DNAI7: variants seen among roughly 807,000 people sequenced by gnomAD.
DNAI7 encodes the protein cancer susceptibility 1.
A neutral mutation model predicts 86.6 loss-of-function variants in DNAI7; 78 were observed. The ratio of observed to expected loss-of-function variants is 0.90; its 90% CI spans 0.75 to 1.09. DNAI7 has a LOEUF of 1.09. DNAI7 is among the 50% of genes least tolerant of loss of function. DNAI7 has a pLI of 0.00. For missense variants in DNAI7, 753 were observed against 810.2 expected, an observed-to-expected ratio of 0.93 and a Z score of 0.86; for synonymous variants, 274 against 273.0, an observed-to-expected ratio of 1.00 and a Z score of -0.04.
chr12:25,120,169 G>A (rs532065952), intron 11 of DNAI7, among the ~76,000 whole-genome samples: 10 of 152,096 alleles, frequency 6.6e-5, no homozygotes, highest in South Asian at 4.2e-4. Context: ...GGAAAATAAC[G>A]GGGGAGAAAA....
At chr12:25,174,789 G>T (rs562478982) in intron 2 of DNAI7, among the ~76,000 whole-genome samples, 8 of 148,378 alleles carry the variant, frequency 5.4e-5, no homozygotes, top group African/African-American at 1.5e-4. Flanking sequence ...CCATAAAAAG[G>T]AATGAATTAA....
Position 25,189,563 on chromosome 12 carries a change from AC to A in DNAI7, c.21+1050del, listed in dbSNP as rs746246122. Reference sequence around the variant, plus strand: ...AGGCTGAGGTGGGAGAATTGCTTGAACCCGGAAGGTGGAAGTTGCAGTAAGC... The same window carrying A: ...AGGCTGAGGTGGGAGAATTGCTTGAACCGGAAGGTGGAAGTTGCAGTAAGC... On this transcript the variant is annotated intron_variant, in intron 2 of 15. Coordinates refer to ENST00000395987, the MANE Select transcript of DNAI7 (RefSeq NM_018272.5). 6.2e-3 allele frequency among the ~76,000 whole-genome samples: 904 copies of A among 146,354 alleles called. 6 individuals carry two copies. The highest frequency in any genetic ancestry group is 8.3e-3 in the Non-Finnish European group (540 of 64,830).
intron 14 of DNAI7, among the ~76,000 whole-genome samples, chr12:25,111,328 C>T (rs1204596729): frequency 1.3e-5 from 2 of 152,196 alleles, no homozygotes; most frequent in African/African-American, 4.8e-5. Flanking sequence ...TTATGACGAA[C>T]ATGAAACAGT....
chr12:25,178,442 A>G (rs1207410556), intron 2 of DNAI7, among the ~76,000 whole-genome samples: 1 of 152,104 alleles, frequency 6.6e-6, no homozygotes, highest in Non-Finnish European at 1.5e-5. Flanking sequence ...TTCATTCTTA[A>G]TATTTATCAT....
In DNAI7 at chr12:25,147,039, A is replaced by T; in HGVS notation, c.651T>A (p.Val217=). 1 of 1,606,260 alleles carries T rather than the reference A, an allele frequency of 6.2e-7. No homozygotes were observed. The highest frequency in any genetic ancestry group is 8.5e-7 in the Non-Finnish European group (1 of 1,172,834). ...TGAGGTTTGCCCACACATACAGAGTAACATTTTCATCTTTAATGACTTTTT... is the reference window on the plus strand; with the variant it reads ...TGAGGTTTGCCCACACATACAGAGTTACATTTTCATCTTTAATGACTTTTT... ...NMEKVIKDEN[V]TLYVWANLKK... Residue 217 remains valine (V), a synonymous_variant, in exon 8 of 16, where the codon GTT becomes GTA. Coordinates refer to ENST00000395987, the MANE Select transcript of DNAI7 (RefSeq NM_018272.5).
chr12:25,151,484 T>C (rs538753354), intron 6 of DNAI7, among the ~76,000 whole-genome samples: 1 of 152,328 alleles, frequency 6.6e-6, no homozygotes, highest in South Asian at 2.1e-4. Flanking sequence ...ATTGAACTTA[T>C]CCTTTTCTCA....
At chr12:25,157,676 T>G (rs1946345402) in intron 4 of DNAI7, among the ~76,000 whole-genome samples, 1 of 152,252 alleles carries the variant, frequency 6.6e-6, no homozygotes, top group Admixed American at 6.5e-5. Flanking sequence ...TATTGATAGA[T>G]GTAATCCACA....
intron 2 of DNAI7, among the ~76,000 whole-genome samples, chr12:25,165,481 G>A (rs1463407346): frequency 1.3e-5 from 2 of 152,224 alleles, no homozygotes; most frequent in African/African-American, 4.8e-5. Context: ...TTCCTCCTAA[G>A]CTGTGTCCCA....
chr12:25,169,664 A>G (rs1947905113), intron 2 of DNAI7, among the ~76,000 whole-genome samples: 1 of 152,102 alleles, frequency 6.6e-6, no homozygotes, highest in Admixed American at 6.5e-5. Context: ...CCTGGCCAAC[A>G]TGGTGAAACT....
chr12:25,147,103 T>G lies in DNAI7; in HGVS notation c.587A>C (p.Gln196Pro). ...GTCCAGATCTGCCAAAGTACTAGCT[T>G]GCTGTAAGAGAAAAAGAAAACATTA... Reference protein sequence around the residue: ...FGVATEILLKQASTLADLDSG... With the variant: ...FGVATEILLKPASTLADLDSG... The change falls in exon 8 of 16, where the codon CAA (glutamine) becomes CCA (proline). Residue 196 changes from glutamine to proline, a missense_variant and splice_region_variant. Physicochemically the swap from Gln to Pro is moderately conservative, Grantham distance 76. Coordinates refer to ENST00000395987, the MANE Select transcript of DNAI7 (RefSeq NM_018272.5). The G allele has an allele frequency of 3.3e-6, 5 of 1,532,640 alleles. No homozygotes were observed. Among genetic ancestry groups the G allele is most frequent in the Non-Finnish European group, 4.5e-6 (5 of 1,108,730 alleles). The allele number at this position is 1,532,640 out of a possible 1,614,324, so 94.9% of individuals were successfully genotyped here.
intron 2 of DNAI7, among the ~76,000 whole-genome samples, chr12:25,161,808 A>T (rs1389781122): frequency 6.6e-6 from 1 of 152,206 alleles, no homozygotes; most frequent in African/African-American, 2.4e-5. Context: ...TGGGCCCTGG[A>T]AAGACTCCAA....
chr12:25,189,710 A>G (rs1350294896), intron 2 of DNAI7, among the ~76,000 whole-genome samples: 4 of 152,190 alleles, frequency 2.6e-5, no homozygotes, highest in African/African-American at 9.6e-5. Context: ...GAACAATGGG[A>G]AAATTTACAG....
At chr12:25,168,755 T>C (rs1455670033) in intron 2 of DNAI7, among the ~76,000 whole-genome samples, 5 of 152,338 alleles carry the variant, frequency 3.3e-5, no homozygotes, top group Non-Finnish European at 7.3e-5. Flanking sequence ...GGGCACTCTC[T>C]AATTAGATGT....
At position 25,128,857 on chromosome 12, in the gene DNAI7, A is replaced by G. The variant is rs1942493454; in HGVS notation, c.1003-5571T>C. 3.3e-5 allele frequency among the ~76,000 whole-genome samples: 5 copies of G among 152,302 alleles called. No individual in the cohort carries two copies. In the South Asian group the frequency reaches 1.0e-3, roughly 32 times the overall value. ...GCCCCTCACAATTTGTTCTCCATAC[A>G]GTAGCCAGAATAACCTTTCAGGGCC... On this transcript the variant is annotated intron_variant, in intron 9 of 15. Transcript: ENST00000395987.
chr12:25,166,508 G>A (rs1451402082), intron 2 of DNAI7, among the ~76,000 whole-genome samples: 1 of 152,096 alleles, frequency 6.6e-6, no homozygotes, highest in Non-Finnish European at 1.5e-5. Flanking sequence ...CTATACTGCC[G>A]CAAAGCTTCA....
chr12:25,189,937 T>A (rs1262585686), intron 2 of DNAI7, among the ~76,000 whole-genome samples: 1 of 150,574 alleles, frequency 6.6e-6, no homozygotes, highest in African/African-American at 2.5e-5. Context: ...TCCAATTTCT[T>A]AAGAATAGAT....
chr12:25,160,872 A>T (rs948210792), intron 3 of DNAI7, among the ~76,000 whole-genome samples: 1 of 152,140 alleles, frequency 6.6e-6, no homozygotes, highest in African/African-American at 2.4e-5. Context: ...GATTATCTGA[A>T]AGTTAAATTT....
At chr12:25,117,027 G>A (rs767124617) in intron 12 of DNAI7, among the ~76,000 whole-genome samples, 1 of 151,732 alleles carries the variant, frequency 6.6e-6, no homozygotes, top group Non-Finnish European at 1.5e-5. Flanking sequence ...TCAACCTGCT[G>A]GGCTCAAACA....
intron 11 of DNAI7, among the ~76,000 whole-genome samples, chr12:25,120,066 A>G (rs1416691745): frequency 6.6e-6 from 1 of 152,188 alleles, no homozygotes; most frequent in Non-Finnish European, 1.5e-5. Context: ...CAATAACAAC[A>G]GATCTTTAGA....
Sources: gnomAD v4.1 joint callset for allele counts (sites outside exome capture counted in the v4.1 genomes callset) on GRCh38, gnomAD v4.1.1 for gene constraint, MANE v1.5 for transcripts, NCBI Gene and HGNC (gene_info 2026-07-23, HGNC 2026-07-21) for gene names.